The following CDH13 variants were observed in gnomAD, a reference collection of about 807,000 sequenced individuals.
The protein encoded by CDH13 is cadherin 13.
In CDH13, 24 loss-of-function variants were observed where a neutral mutation model predicts 63.8. The ratio of observed to expected loss-of-function variants is 0.38; its 90% CI spans 0.27 to 0.53. CDH13 has a LOEUF of 0.53. Among genes scored for constraint, CDH13 ranks in the 20% least tolerant of loss-of-function variants. The probability of loss-of-function intolerance (pLI) is 0.85; values close to 1 mark genes in which losing one functional copy is unlikely to be tolerated. For synonymous variants in CDH13, 503 were observed against 355.3 expected, an observed-to-expected ratio of 1.42 and a Z score of -4.67; for missense variants, 1,049 against 903.1, an observed-to-expected ratio of 1.16 and a Z score of -2.07.
intron 2 of CDH13, among the ~76,000 whole-genome samples, chr16:82,968,101 A>G (rs1363904946): frequency 6.6e-6 from 1 of 152,128 alleles, no homozygotes; most frequent in African/African-American, 2.4e-5. Context: ...TTAAGAATTT[A>G]TTTCCAATTT....
chr16:83,312,933 C>G (rs1293358552), intron 5 of CDH13, among the ~76,000 whole-genome samples: 1 of 152,166 alleles, frequency 6.6e-6, no homozygotes, highest in African/African-American at 2.4e-5. Context: ...ATTAGATACA[C>G]CATTCCAAAG....
chr16:83,608,484 A>AT (rs1908555115), intron 8 of CDH13, among the ~76,000 whole-genome samples: 1 of 151,750 alleles, frequency 6.6e-6, no homozygotes, highest in Non-Finnish European at 1.5e-5. Flanking sequence ...GGGTATTAGC[A>AT]TTTTTTGTTT....
chr16:83,143,643 A>T (rs1208074440), intron 4 of CDH13, among the ~76,000 whole-genome samples: 1 of 152,158 alleles, frequency 6.6e-6, no homozygotes, highest in African/African-American at 2.4e-5. Flanking sequence ...GGACCATCAA[A>T]ACAATTGTGT....
intron 3 of CDH13, among the ~76,000 whole-genome samples, chr16:83,104,493 G>T (rs1015385692): frequency 3.3e-5 from 5 of 151,962 alleles, no homozygotes; most frequent in Admixed American, 3.3e-4. Context: ...ACATAAAAGA[G>T]AAATTATTGT....
intron 1 of CDH13, among the ~76,000 whole-genome samples, chr16:82,855,591 T>C (rs927973727): frequency 6.6e-6 from 1 of 152,226 alleles, no homozygotes; most frequent in African/African-American, 2.4e-5. Flanking sequence ...ATCTGCATCC[T>C]GTGTATGTGC....
intron 7 of CDH13, among the ~76,000 whole-genome samples, chr16:83,601,922 G>A (rs906824246): frequency 6.6e-6 from 1 of 151,746 alleles, no homozygotes; most frequent in Admixed American, 6.6e-5. Flanking sequence ...GTGATACCCT[G>A]TCCCTACTAA....
At chr16:83,286,797 C>T (rs1312479950) in intron 5 of CDH13, among the ~76,000 whole-genome samples, 6 of 147,744 alleles carry the variant, frequency 4.1e-5, no homozygotes, top group East Asian at 2.0e-4. Flanking sequence ...TATATATATA[C>T]ACACACACAT....
intron 6 of CDH13, among the ~76,000 whole-genome samples, chr16:83,483,212 C>A (rs748159476): frequency 6.6e-6 from 1 of 152,268 alleles, no homozygotes; most frequent in East Asian, 1.9e-4. Context: ...AGGCACAATG[C>A]GGTTCCCTCA....
intron 1 of CDH13, among the ~76,000 whole-genome samples, chr16:82,662,888 G>A (rs1388013220): frequency 2.7e-5 from 3 of 111,200 alleles, no homozygotes; most frequent in Admixed American, 8.3e-5. Context: ...ATGCCTGTGT[G>A]TCTGGTACCC....
intron 7 of CDH13, among the ~76,000 whole-genome samples, chr16:83,566,517 C>G (rs1444752796): frequency 6.6e-6 from 1 of 152,000 alleles, no homozygotes; most frequent in African/African-American, 2.4e-5. Context: ...CCTCCATTCT[C>G]CATTCTCCCT....
At chr16:82,884,497 C>A in intron 2 of CDH13, 1 of 248,070 alleles carries the variant, frequency 4.0e-6, no homozygotes, top group Non-Finnish European at 8.1e-6. Flanking sequence ...ACCATGTCAC[C>A]CAAGGTAAGC....
intron 1 of CDH13, among the ~76,000 whole-genome samples, chr16:82,850,811 C>G (rs758580496): frequency 1.3e-5 from 2 of 152,212 alleles, no homozygotes; most frequent in Non-Finnish European, 2.9e-5. Context: ...AAGACAACCA[C>G]TTGTTGAAGG....
intron 7 of CDH13, among the ~76,000 whole-genome samples, chr16:83,510,527 C>G (rs2074532296): frequency 6.6e-6 from 1 of 152,144 alleles, no homozygotes; most frequent in African/African-American, 2.4e-5. Context: ...AGAGAGATAC[C>G]TTGACAGCTG....
rs182644683 is a variant in CDH13, at chr16:83,574,219, C to T, written c.961-28235C>T. Among the ~76,000 whole-genome samples, 15 of 152,298 alleles carry T rather than the reference C, an allele frequency of 9.8e-5. No homozygotes were observed. In the East Asian group the frequency reaches 2.3e-3, roughly 24 times the overall value. On this transcript the variant is annotated intron_variant, in intron 7 of 13. Coordinates refer to ENST00000567109, the MANE Select transcript of CDH13 (RefSeq NM_001257.5). ...ATTATGCTGATGTTGCTATTGTCGT[C>T]ATTATTTTTTGTCTCAGTGTACACC... is the stretch of plus-strand genomic sequence containing the variant.
At chr16:82,798,659 A>T (rs1567546905) in intron 1 of CDH13, among the ~76,000 whole-genome samples, 1 of 152,056 alleles carries the variant, frequency 6.6e-6, no homozygotes, top group African/African-American at 2.4e-5. Context: ...TGTCCATAGG[A>T]GCTGGGTAGT....
At chr16:82,926,850 A>C (rs1597227943) in intron 2 of CDH13, among the ~76,000 whole-genome samples, 1 of 152,138 alleles carries the variant, frequency 6.6e-6, no homozygotes. Flanking sequence ...ATACTTTACT[A>C]TGTGTTTTAT....
Position 83,218,899 on chromosome 16 carries a change from A to G in CDH13, c.636+1402A>G, listed in dbSNP as rs112326788. Among the ~76,000 whole-genome samples the G allele has an allele frequency of 3.0e-3, 463 of 152,270 alleles. 1 individual carries two copies. The highest frequency in any genetic ancestry group is 0.011 in the African/African-American group (447 of 41,564). On this transcript the variant is annotated intron_variant, in intron 5 of 13. Coordinates refer to ENST00000567109, the MANE Select transcript of CDH13 (RefSeq NM_001257.5). ...CTCATGAGATCTGATGGTTTTATGA[A>G]TGGGAGTTCCCCTGCACATGCTTTC...
intron 6 of CDH13, among the ~76,000 whole-genome samples, chr16:83,483,760 G>C (rs2073826267): frequency 6.6e-6 from 1 of 152,132 alleles, no homozygotes; most frequent in Non-Finnish European, 1.5e-5. Context: ...ATCTGCCTCT[G>C]ATTTCTGATG....
At chr16:83,744,736 G>A (rs554887579) in intron 10 of CDH13, among the ~76,000 whole-genome samples, 4 of 152,326 alleles carry the variant, frequency 2.6e-5, no homozygotes, top group Non-Finnish European at 5.9e-5. Context: ...CTTTGTGTCA[G>A]CTTCAGTTTG....
Sources: allele counts gnomAD v4.1 joint callset (sites outside exome capture counted in the v4.1 genomes callset), GRCh38; gene constraint gnomAD v4.1.1; transcripts MANE v1.5; gene names NCBI Gene and HGNC (gene_info 2026-07-23, HGNC 2026-07-21).